The following BANP variants were observed in gnomAD, a reference collection of about 807,000 sequenced individuals.
BANP encodes BTG3 associated nuclear protein.
Under a neutral mutation model 68.1 loss-of-function variants are expected in BANP, and 11 were observed. The observed-to-expected ratio is 0.16, with a 90% CI of 0.10 to 0.27. BANP has a LOEUF of 0.27. Ranked by LOEUF, BANP falls within the 10% of genes least tolerant of loss-of-function variation. The pLI is 1.00. For synonymous variants in BANP, 329 were observed against 303.2 expected (o/e 1.09, Z -0.88); for missense variants, 504 against 722.7 (o/e 0.70, Z 3.47).
chr16:87,987,215 A>T (rs1179395390), intron 4 of BANP, among the ~76,000 whole-genome samples: 1 of 151,994 alleles, frequency 6.6e-6, no homozygotes, highest in East Asian at 1.9e-4. Flanking sequence ...AGTAGCTGGG[A>T]TTACAGGCAT....
chr16:87,991,909 C>T (rs181181134), intron 4 of BANP, among the ~76,000 whole-genome samples: 3,116 of 152,150 alleles, frequency 0.02, 52 homozygotes, highest in Middle Eastern at 0.041. Flanking sequence ...AGTGTATTTT[C>T]TTTATAAAAA....
chr16:87,955,582 C>T (rs764968475), intron 1 of BANP, among the ~76,000 whole-genome samples: 3 of 152,220 alleles, frequency 2.0e-5, no homozygotes, highest in Admixed American at 6.5e-5. Flanking sequence ...TCGGGATCCC[C>T]TCCGGGACCC....
At chr16:87,973,503 G>C (rs2061480360) in intron 1 of BANP, among the ~76,000 whole-genome samples, 1 of 152,178 alleles carries the variant, frequency 6.6e-6, no homozygotes, top group South Asian at 2.1e-4. Context: ...GCTCACGCCT[G>C]TAATCCCAGC....
Position 88,051,932 on chromosome 16 carries a change from A to G in BANP, c.1312-13335A>G, listed in dbSNP as rs186289253. ...CTCATTTGTTTGAGGAGTTTAAGAA[A>G]ATAAAGTGAAGACCTAAACATTTCC... On this transcript the variant is annotated intron_variant, in intron 11 of 13. Transcript: ENST00000682872. 6.5e-4 allele frequency among the ~76,000 whole-genome samples: 99 copies of G among 152,326 alleles called. No individual in the cohort carries two copies. The Middle Eastern group carries it at 0.01, about 16-fold the overall frequency.
intron 6 of BANP, among the ~76,000 whole-genome samples, chr16:88,014,870 T>A (rs568247333): frequency 3.3e-5 from 5 of 152,124 alleles, no homozygotes; most frequent in African/African-American, 1.2e-4. Context: ...AGAGTTCCCA[T>A]TAAATGAGCC....
intron 6 of BANP, among the ~76,000 whole-genome samples, chr16:88,014,392 A>G (rs939276721): frequency 4.6e-5 from 7 of 151,256 alleles, no homozygotes; most frequent in African/African-American, 1.7e-4. Context: ...GGTGGGTGGC[A>G]GCACCCCCCA....
At chr16:88,046,955 A>G (rs182259332) in intron 11 of BANP, among the ~76,000 whole-genome samples, 69 of 151,548 alleles carry the variant, frequency 4.6e-4, no homozygotes, top group African/African-American at 1.6e-3. Flanking sequence ...ACTCCCAGCT[A>G]CTCGGGAGGC....
chr16:88,013,860 G>T (rs766700432), intron 6 of BANP, among the ~76,000 whole-genome samples: 1 of 152,208 alleles, frequency 6.6e-6, no homozygotes, highest in Non-Finnish European at 1.5e-5. Context: ...GTACTTAGAG[G>T]AGTGAGGTGG....
chr16:88,067,877 C>T (rs951062431), intron 12 of BANP, among the ~76,000 whole-genome samples: 4 of 152,240 alleles, frequency 2.6e-5, no homozygotes, highest in South Asian at 2.1e-4. Flanking sequence ...ACGATGCTCC[C>T]GGCTGAGCCT....
intron 13 of BANP, among the ~76,000 whole-genome samples, chr16:88,073,843 T>G (rs1478795595): frequency 6.6e-6 from 1 of 152,276 alleles, no homozygotes; most frequent in African/African-American, 2.4e-5. Flanking sequence ...GGTTGGTGTT[T>G]ACACCCCTAG....
chr16:87,954,969 T>G lies in BANP; in HGVS notation c.-69+3454T>G, dbSNP rs545498843. On this transcript the variant is annotated intron_variant, in intron 1 of 13. Coordinates refer to ENST00000682872, the MANE Select transcript of BANP (RefSeq NM_001386991.1). ...GCCAAGCCGCCGTTCCACAGCCGCC[T>G]CTGAATTGCAGCGTGGGCTGGTGGC... 1.5e-3 allele frequency among the ~76,000 whole-genome samples: 227 copies of G among 152,316 alleles called. 1 individual carries two copies. The highest frequency in any genetic ancestry group is 2.1e-3 in the South Asian group (10 of 4,828).
At chr16:87,987,402 G>C (rs1196037668) in intron 4 of BANP, among the ~76,000 whole-genome samples, 2 of 152,060 alleles carry the variant, frequency 1.3e-5, no homozygotes, top group African/African-American at 2.4e-5. Context: ...TCATAGTAAA[G>C]TTTTAAATGT....
chr16:87,961,675 A>T (rs967910238), intron 1 of BANP, among the ~76,000 whole-genome samples: 1 of 152,184 alleles, frequency 6.6e-6, no homozygotes, highest in Admixed American at 6.5e-5. Context: ...TGTATGTACC[A>T]TGAATGTTTG....
intron 6 of BANP, among the ~76,000 whole-genome samples, chr16:88,015,531 C>T (rs1487745277): frequency 6.6e-6 from 1 of 152,242 alleles, no homozygotes; most frequent in Non-Finnish European, 1.5e-5. Context: ...TGGCCCAGGC[C>T]GATGCTGCTC....
rs544987466 is a variant in BANP, at chr16:88,053,114, C to A, written c.1312-12153C>A. 5.3e-5 allele frequency among the ~76,000 whole-genome samples: 8 copies of A among 152,228 alleles called. No homozygotes were observed. The East Asian group carries it at 1.4e-3, about 26-fold the overall frequency. On this transcript the variant is annotated intron_variant, in intron 11 of 13. Coordinates refer to ENST00000682872, the MANE Select transcript of BANP (RefSeq NM_001386991.1). ...ACCCTAACAACCACTACCACCCCCA[C>A]CTCCACCACTGTCATCTCCATCATC...
chr16:88,016,250 C>T (rs1276734371), intron 6 of BANP, among the ~76,000 whole-genome samples: 2 of 152,242 alleles, frequency 1.3e-5, no homozygotes, highest in Non-Finnish European at 2.9e-5. Context: ...GCATGTGGCG[C>T]TGGGAAATGC....
chr16:88,022,714 GC>G (rs2076254189), intron 7 of BANP, among the ~76,000 whole-genome samples: 2 of 152,162 alleles, frequency 1.3e-5, no homozygotes, highest in Non-Finnish European at 2.9e-5. Context: ...GAAGGTGTGG[GC>G]AGGGCCACGC....
intron 6 of BANP, among the ~76,000 whole-genome samples, chr16:88,015,522 G>A (rs954639843): frequency 3.9e-5 from 6 of 152,204 alleles, no homozygotes; most frequent in African/African-American, 1.4e-4. Context: ...GGCCCCTCCT[G>A]GCCCAGGCCG....
At chr16:87,965,649 G>T (rs1237902549) in intron 1 of BANP, among the ~76,000 whole-genome samples, 1 of 152,172 alleles carries the variant, frequency 6.6e-6, no homozygotes, top group Non-Finnish European at 1.5e-5. Flanking sequence ...GCAGCATCAG[G>T]CGCACCTGAG....
Sources: allele counts gnomAD v4.1 joint callset (sites outside exome capture counted in the v4.1 genomes callset), GRCh38; gene constraint gnomAD v4.1.1; transcripts MANE v1.5; gene names NCBI Gene and HGNC (gene_info 2026-07-23, HGNC 2026-07-21).